The following SMC4 variants were observed in gnomAD, a reference collection of about 807,000 sequenced individuals.
SMC4 encodes the protein structural maintenance of chromosomes protein 4.
A neutral mutation model predicts 145.6 loss-of-function variants in SMC4; 87 were observed. The ratio of observed to expected loss-of-function variants is 0.60; its 90% CI spans 0.50 to 0.71. The LOEUF (loss-of-function observed/expected upper bound fraction) is 0.71, where lower values mean the gene tolerates loss of function less well. SMC4 is among the 30% of genes least tolerant of loss of function. SMC4 has a pLI of 0.00. For missense variants in SMC4, 1,447 were observed against 1,537.1 expected (o/e 0.94, Z 0.98); for synonymous variants, 558 against 500.7 (o/e 1.11, Z -1.53).
chr3:160,422,033 GTA>G (rs1717239402), intron 13 of SMC4, among the ~76,000 whole-genome samples: 2 of 152,184 alleles, frequency 1.3e-5, no homozygotes, highest in Admixed American at 1.3e-4. Flanking sequence ...GTTGTAGCAT[GTA>G]TCAGTACTTC....
At chr3:160,418,257 T>A (rs1329745656) in intron 11 of SMC4, among the ~76,000 whole-genome samples, 1 of 152,176 alleles carries the variant, frequency 6.6e-6, no homozygotes, top group Non-Finnish European at 1.5e-5. Flanking sequence ...AATTTAAAGA[T>A]AAATAAAAAA....
At chr3:160,421,570 C>G (rs1717180932) in intron 13 of SMC4, among the ~76,000 whole-genome samples, 1 of 152,016 alleles carries the variant, frequency 6.6e-6, no homozygotes, top group Non-Finnish European at 1.5e-5. Flanking sequence ...ATGGCGAAAT[C>G]CCATCTCTAC....
At chr3:160,426,230 G>GA (rs1345273211) in intron 17 of SMC4, 30 bp downstream of exon 17, 23 of 1,533,374 alleles carry the variant, frequency 1.5e-5, no homozygotes, top group East Asian at 4.6e-5. Context: ...TTTTTTGGGG[G>GA]GAAAAAAAAA....
At position 160,433,093 on chromosome 3, in the gene SMC4, T is replaced by G; in HGVS notation, c.3598T>G (p.Ser1200Ala). 6.2e-7 allele frequency: 1 copy of G among 1,613,618 alleles called. No homozygotes were observed. The highest frequency in any genetic ancestry group is 8.5e-7 in the Non-Finnish European group (1 of 1,179,580). The change falls in exon 23 of 24, where the codon TCA becomes GCA. Residue 1200 changes from serine (S) to alanine (A), a missense_variant. Coordinates refer to ENST00000357388, the MANE Select transcript of SMC4 (RefSeq NM_001002800.3). ...TTCGGGAGGAGAGAAAACACTTAGT[T>G]CATTGGCTTTAGTATTTGCTCTTCA... Reference protein sequence around the residue: ...NLSGGEKTLSSLALVFALHHY... With the variant: ...NLSGGEKTLSALALVFALHHY...
intron 3 of SMC4, 94 bp from the exon 4 acceptor site, chr3:160,402,582 C>T (rs1714821947): frequency 1.1e-5 from 15 of 1,312,496 alleles, no homozygotes; most frequent in Non-Finnish European, 1.6e-5. Flanking sequence ...TTTTTAACTG[C>T]AAGTAAAAAA....
At position 160,420,839 on chromosome 3, in the gene SMC4, G is replaced by A; in HGVS notation, c.1957G>A (p.Glu653Lys). The change falls in exon 13 of 24, where the codon GAA (glutamate) becomes AAA (lysine). Residue 653 changes from glutamate (E) to lysine (K), a missense_variant. Physicochemically the swap from Glu to Lys is moderately conservative, Grantham distance 56. Coordinates refer to ENST00000357388, the MANE Select transcript of SMC4 (RefSeq NM_001002800.3). ...IVVDSIDIAQ[E>K]CVNFLKRQNI... ...TGTTGATTCTATTGATATAGCCCAA[G>A]AATGTGTAAACTTCCTTAAAAGACA... 6.2e-7 allele frequency: 1 copy of A among 1,613,896 alleles called. No homozygotes were observed. The highest frequency in any genetic ancestry group is 8.5e-7 in the Non-Finnish European group (1 of 1,179,928).
intron 5 of SMC4, among the ~76,000 whole-genome samples, chr3:160,409,110 A>G (rs1459221361): frequency 6.6e-6 from 1 of 150,508 alleles, no homozygotes; most frequent in Non-Finnish European, 1.5e-5. Flanking sequence ...ACTAAAAAAT[A>G]CAAAAATTAG....
At chr3:160,414,620 C>G in intron 9 of SMC4, 103 bp downstream of exon 9, 1 of 1,118,228 alleles carries the variant, frequency 8.9e-7, no homozygotes, top group South Asian at 1.4e-5. Flanking sequence ...AATTAGTATT[C>G]TAAATGTTGT....
At chr3:160,403,273 A>G (rs941162020) in intron 4 of SMC4, among the ~76,000 whole-genome samples, 1 of 152,112 alleles carries the variant, frequency 6.6e-6, no homozygotes, top group South Asian at 2.1e-4. Context: ...TTTAACTCTA[A>G]TGTTAGTGGC....
chr3:160,402,181 T>A, intron 3 of SMC4, 88 bp downstream of exon 3: 1 of 806,504 alleles, frequency 1.2e-6, no homozygotes, highest in East Asian at 3.2e-5. Context: ...GTTTTGTAAC[T>A]ATCCTAAAAT....
chr3:160,407,347 G>A (rs1473778772), intron 5 of SMC4, among the ~76,000 whole-genome samples: 1 of 152,172 alleles, frequency 6.6e-6, no homozygotes, highest in African/African-American at 2.4e-5. Context: ...GAGCCCAGGA[G>A]TTGGAGACCA....
At position 160,401,910 on chromosome 3, in the gene SMC4, CTT is replaced by C. The variant is rs1215588780; in HGVS notation, c.140-4_140-3del. 1.3e-6 allele frequency: 2 copies of C among 1,597,682 alleles called. No homozygotes were observed. The highest frequency in any genetic ancestry group is 4.6e-5 in the East Asian group (2 of 43,702). On this transcript the variant is annotated splice_region_variant and splice_polypyrimidine_tract_variant and intron_variant, in intron 2 of 23. Transcript: ENST00000357388. ...CTTCGTTTTCCTTTCCTTTCACTGA[CTT>C]AGAGACTGCAAGTGAGGAACTTGAT...
chr3:160,413,163 T>C lies in SMC4; in HGVS notation c.981-310T>C, dbSNP rs1002098392. On this transcript the variant is annotated intron_variant, in intron 7 of 23. Transcript: ENST00000357388. ...TTTTATTTTTTCTTTTTTCTTTTTT[T>C]GGTAGAGATGGGGTTTCGCCATGTT... is the stretch of plus-strand genomic sequence containing the variant. 2.0e-5 allele frequency among the ~76,000 whole-genome samples: 3 copies of C among 152,050 alleles called. No homozygotes were observed. The South Asian group carries it at 6.2e-4, about 32-fold the overall frequency.
intron 18 of SMC4, 138 bp from the exon 19 acceptor site, chr3:160,430,460 GT>G: frequency 1.3e-6 from 1 of 741,112 alleles, no homozygotes; most frequent in Non-Finnish European, 2.1e-6. Context: ...TTTAAGGATG[GT>G]TTAGTAAATC....
chr3:160,406,106 G>A (rs1715303060), intron 5 of SMC4, among the ~76,000 whole-genome samples: 1 of 151,992 alleles, frequency 6.6e-6, no homozygotes, highest in African/African-American at 2.4e-5. Context: ...TTTATAAATT[G>A]TCAAATTTAT....
intron 10 of SMC4, 144 bp from the exon 11 acceptor site, chr3:160,417,579 G>C (rs1716722808): frequency 3.0e-6 from 2 of 677,632 alleles, no homozygotes; most frequent in Non-Finnish European, 2.5e-6. Context: ...ACTGAATCTA[G>C]TCCACTTGTG....
Position 160,425,019 on chromosome 3 carries a change from G to GGTGTGTGTGTGTGTGTGT in SMC4, c.2478+2_2478+3insGTGTGTGTGTGTGTGTGT, listed in dbSNP as rs765128491. 53 of 1,226,984 alleles carry GGTGTGTGTGTGTGTGTGT rather than the reference G, an allele frequency of 4.3e-5. 1 individual carries two copies. Among genetic ancestry groups the GGTGTGTGTGTGTGTGTGT allele is most frequent in the South Asian group, 8.1e-5 (6 of 74,482 alleles). The allele number at this position is 1,226,984 out of a possible 1,614,324, so 76.0% of individuals were successfully genotyped here. On this transcript the variant is annotated inframe_insertion and splice_region_variant. Coordinates refer to ENST00000357388, the MANE Select transcript of SMC4 (RefSeq NM_001002800.3). The stretch of plus-strand genomic sequence containing the variant: ...TAGAAAAATTTACTGCAAGCATCCA[G>GGTGTGTGTGTGTGTGTGT]GTATGTGTGTGTGTGTGTGTGTGTG...
intron 13 of SMC4, among the ~76,000 whole-genome samples, chr3:160,422,356 C>G (rs1222904984): frequency 6.6e-6 from 1 of 152,182 alleles, no homozygotes; most frequent in Non-Finnish European, 1.5e-5. Flanking sequence ...CTCGTTAACA[C>G]TTGTTATGGT....
chr3:160,412,329 A>C lies in SMC4; in HGVS notation c.856A>C (p.Asn286His), dbSNP rs545672230. Residue 286 changes from asparagine (N) to histidine (H), a missense_variant, in exon 7 of 24, where the codon AAC becomes CAC. Coordinates refer to ENST00000357388, the MANE Select transcript of SMC4 (RefSeq NM_001002800.3). ...TTTAAACTTTTAATTTCTGTAGTTA[A>C]ACAGGGTAAAGATGGTGGAAAAGGA... Reference protein sequence around the residue: ...ILNEHRGEKLNRVKMVEKEKD... With the variant: ...ILNEHRGEKLHRVKMVEKEKD... 8.2e-6 allele frequency: 13 copies of C among 1,591,012 alleles called. No homozygotes were observed. The African/African-American group carries it at 1.6e-4, about 20-fold the overall frequency.
Sources: gnomAD v4.1 joint callset for allele counts (sites outside exome capture counted in the v4.1 genomes callset) on GRCh38, gnomAD v4.1.1 for gene constraint, MANE v1.5 for transcripts, NCBI Gene and HGNC (gene_info 2026-07-23, HGNC 2026-07-21) for gene names.